Variants in TUBB4B observed in about 807,000 individuals in gnomAD.
TUBB4B encodes tubulin beta 4B class IVb, also known as tubulin beta-4B chain.
A neutral mutation model predicts 34.3 loss-of-function variants in TUBB4B; 7 were observed. That is an observed-to-expected ratio of 0.20 (90% CI 0.12 to 0.38). The LOEUF is 0.38. TUBB4B is among the 10% of genes least tolerant of loss of function. The probability of loss-of-function intolerance (pLI) is 1.00; values close to 1 mark genes in which losing one functional copy is unlikely to be tolerated. For synonymous variants in TUBB4B, 390 were observed against 250.2 expected (o/e 1.56, Z -5.27); for missense variants, 178 against 610.9 (o/e 0.29, Z 7.47).
intron 3 of TUBB4B, chr9:137,242,260 T>G: frequency 1.5e-6 from 1 of 666,060 alleles, no homozygotes; most frequent in Non-Finnish European, 2.5e-6. Context: ...TCCTCTGTCC[T>G]TGGGAATTGG....
At chr9:137,241,551 C>A in intron 1 of TUBB4B, 134 bp downstream of exon 1, 3 of 905,532 alleles carry the variant, frequency 3.3e-6, no homozygotes, top group Non-Finnish European at 4.1e-6. Flanking sequence ...GGGGAATTGG[C>A]CGAGCCGGGC....
Position 137,241,772 on chromosome 9 carries a change from C to T in TUBB4B, c.109C>T (p.His37Tyr). 1 of 1,612,332 alleles carries T rather than the reference C, an allele frequency of 6.2e-7. No individual in the cohort carries two copies. Among genetic ancestry groups the T allele is most frequent in the Non-Finnish European group, 8.5e-7 (1 of 1,179,592 alleles). ...CGGCATCGACCCCACGGGCACCTAC[C>T]ACGGGGACAGCGACCTGCAGCTGGA... ...EHGIDPTGTY[H>Y]GDSDLQLERI... Residue 37 changes from histidine (H) to tyrosine (Y), a missense_variant, in exon 2 of 4, where the codon CAC becomes TAC. Coordinates refer to ENST00000340384, the MANE Select transcript of TUBB4B (RefSeq NM_006088.6).
Position 137,243,430 on chromosome 9 carries a change from C to T in TUBB4B, c.1212C>T (p.Asp404=), listed in dbSNP as rs370081115. The T allele has an allele frequency of 2.7e-5, 43 of 1,613,490 alleles. No homozygotes were observed. Among genetic ancestry groups the T allele is most frequent in the Admixed American group, 1.3e-4 (8 of 60,002 alleles). The change falls in exon 4 of 4, where the codon GAC becomes GAT. Residue 404 remains aspartate (D), a synonymous_variant. Transcript: ENST00000340384. ...FLHWYTGEGM[D]EMEFTEAESN... ...ACTGGTACACGGGCGAGGGCATGGA[C>T]GAGATGGAGTTCACCGAGGCCGAGA...
At position 137,243,061 on chromosome 9, in the gene TUBB4B, C is replaced by T. The variant is rs1173235985; in HGVS notation, c.843C>T (p.Tyr281=). The change falls in exon 4 of 4, where the codon TAC becomes TAT. Residue 281 remains tyrosine (Y), a synonymous_variant. Transcript: ENST00000340384. Reference sequence around the variant, plus strand: ...TGACCAGCCGGGGCAGCCAGCAGTACCGGGCGCTGACCGTGCCCGAGCTCA... The same window carrying T: ...TGACCAGCCGGGGCAGCCAGCAGTATCGGGCGCTGACCGTGCCCGAGCTCA... ...APLTSRGSQQ[Y]RALTVPELTQ... is the part of the protein sequence containing the mutation. 1.2e-6 allele frequency: 2 copies of T among 1,612,954 alleles called. No homozygotes were observed. The highest frequency in any genetic ancestry group is 1.3e-5 in the African/African-American group (1 of 75,058).
In TUBB4B at chr9:137,242,871, C is replaced by G; in HGVS notation, c.653C>G (p.Thr218Ser). ...YDICFRTLKL[T>S]TPTYGDLNHL... ...ATTTGCTTCAGAACCCTAAAGCTGA[C>G]CACGCCCACCTATGGTGACCTGAAC... The change falls in exon 4 of 4, where the codon ACC (threonine) becomes AGC (serine). Residue 218 changes from threonine to serine, a missense_variant. Transcript: ENST00000340384. The G allele has an allele frequency of 6.2e-7, 1 of 1,613,498 alleles. No individual in the cohort carries two copies. Among genetic ancestry groups the G allele is most frequent in the Non-Finnish European group, 8.5e-7 (1 of 1,180,022 alleles).
rs772008749 is a variant in TUBB4B, at chr9:137,243,677, C to T, written c.*121C>T. Reference sequence around the variant, plus strand: ...TTTCCCTGTCCACATCCATGCTGTACAGACACCACCATTAAAGCATTTTCA... The same window carrying T: ...TTTCCCTGTCCACATCCATGCTGTATAGACACCACCATTAAAGCATTTTCA... On this transcript the variant is annotated 3_prime_UTR_variant, in exon 4 of 4. Transcript: ENST00000340384. The T allele has an allele frequency of 3.1e-6, 5 of 1,613,996 alleles. No homozygotes were observed. The highest frequency in any genetic ancestry group is 2.2e-5 in the East Asian group (1 of 44,902).
chr9:137,243,603 T>C lies in TUBB4B; in HGVS notation c.*47T>C. ...GCAGGGAAGCAGTGTGAACTCTTTATTCACTCCCAGCCTGTCCTGTGGCCT... is the reference window on the plus strand; with the variant it reads ...GCAGGGAAGCAGTGTGAACTCTTTACTCACTCCCAGCCTGTCCTGTGGCCT... On this transcript the variant is annotated 3_prime_UTR_variant, in exon 4 of 4. Transcript: ENST00000340384. The C allele has an allele frequency of 2.5e-6, 4 of 1,613,298 alleles. No individual in the cohort carries two copies. Among genetic ancestry groups the C allele is most frequent in the Non-Finnish European group, 3.4e-6 (4 of 1,179,396 alleles).
In TUBB4B at chr9:137,242,174, T is replaced by G. The variant is rs960147890; in HGVS notation, c.277+153T>G. The G allele has an allele frequency of 7.5e-6, 6 of 795,460 alleles. No homozygotes were observed. The Admixed American group carries it at 8.7e-5, about 12-fold the overall frequency. 49.3% of individuals were successfully genotyped at this position (795,460 alleles called of 1,614,324 possible). On this transcript the variant is annotated intron_variant, in intron 3 of 3. Transcript: ENST00000340384. The stretch of plus-strand genomic sequence containing the variant: ...TACTAAATCGGCTTTGGGAGCAAGG[T>G]CCAGCTGTCTGCCGAGGCGAGGAGC...
chr9:137,241,488 G>A, intron 1 of TUBB4B, 71 bp downstream of exon 1: 5 of 1,209,188 alleles, frequency 4.1e-6, no homozygotes, highest in South Asian at 3.1e-5. Context: ...GGAAGATGGC[G>A]GCAGCAGCGG....
rs1444026076 is a variant in TUBB4B at position 137,241,387 on chromosome 9, C to G, written c.27C>G (p.Ala9=). 1 of 1,600,990 alleles carries G rather than the reference C, an allele frequency of 6.2e-7. No individual in the cohort carries two copies. The highest frequency in any genetic ancestry group is 8.5e-7 in the Non-Finnish European group (1 of 1,176,066). Residue 9 remains alanine (A), a synonymous_variant, in exon 1 of 4, where the codon GCC becomes GCG. Transcript: ENST00000340384. ...TGAGGGAAATCGTGCACTTGCAGGCCGGGCAGTGCGGCAACCAAATCGGCG... is the reference window on the plus strand; with the variant it reads ...TGAGGGAAATCGTGCACTTGCAGGCGGGGCAGTGCGGCAACCAAATCGGCG... The part of the protein sequence containing the change: MREIVHLQ[A]GQCGNQIGAK...
rs1232125042 is a variant in TUBB4B at position 137,242,914 on chromosome 9, C to T, written c.696C>T (p.Thr232=). 4 of 1,613,088 alleles carry T rather than the reference C, an allele frequency of 2.5e-6. No individual in the cohort carries two copies. The highest frequency in any genetic ancestry group is 3.3e-5 in the Admixed American group (2 of 60,020). The change falls in exon 4 of 4, where the codon ACC becomes ACT. Residue 232 remains threonine (T), a synonymous_variant. Transcript: ENST00000340384. ...ACCTGAACCACCTGGTGTCTGCTAC[C>T]ATGAGTGGGGTCACCACCTGCCTGC... ...YGDLNHLVSA[T]MSGVTTCLRF... is the part of the protein sequence containing the mutation.
chr9:137,241,591 G>A, intron 1 of TUBB4B, 130 bp from the exon 2 acceptor site: 1 of 762,090 alleles, frequency 1.3e-6, no homozygotes, highest in Non-Finnish European at 1.6e-6. Context: ...CCGGCGGCCA[G>A]GGCGCGCGGG....
chr9:137,243,642 C>T lies in TUBB4B; in HGVS notation c.*86C>T, dbSNP rs1434796708. On this transcript the variant is annotated 3_prime_UTR_variant, in exon 4 of 4. Transcript: ENST00000340384. ...GTCCTGTGGCCTGTCCCACTGTGTG[C>T]ACTTGCTGTTTTCCCTGTCCACATC... 1.2e-6 allele frequency: 2 copies of T among 1,613,958 alleles called. No homozygotes were observed. Among genetic ancestry groups the T allele is most frequent in the Non-Finnish European group, 8.5e-7 (1 of 1,179,930 alleles).
intron 3 of TUBB4B, 187 bp from the exon 4 acceptor site, chr9:137,242,309 G>A: frequency 1.3e-6 from 1 of 758,170 alleles, no homozygotes; most frequent in Non-Finnish European, 2.1e-6. Context: ...AAGCTGTCAG[G>A]TTTGGCCCCT....
intron 3 of TUBB4B, 33 bp downstream of exon 3, chr9:137,242,054 A>G (rs765820591): frequency 1.9e-6 from 3 of 1,601,634 alleles, no homozygotes; most frequent in Non-Finnish European, 1.7e-6. Flanking sequence ...GCGGCGGCTC[A>G]AAGGTCAAGG....
intron 1 of TUBB4B, 93 bp downstream of exon 1, chr9:137,241,510 C>G: frequency 1.8e-6 from 2 of 1,105,934 alleles, no homozygotes; most frequent in Non-Finnish European, 2.2e-6. Context: ...CGGGCGGCGC[C>G]CCCGCATTGC....
Position 137,243,531 on chromosome 9 carries a change from A to G in TUBB4B, c.1313A>G (p.Glu438Gly). Reference sequence around the variant, plus strand: ...GCCGAGGAGGAGGGCGAGTTCGAGGAGGAGGCTGAGGAGGAGGTGGCCTAG... The same window carrying G: ...GCCGAGGAGGAGGGCGAGTTCGAGGGGGAGGCTGAGGAGGAGGTGGCCTAG... ...ATAEEEGEFE[E>G]EAEEEVA Residue 438 changes from glutamate (E) to glycine (G), a missense_variant, in exon 4 of 4, where the codon GAG (glutamate) becomes GGG (glycine). Transcript: ENST00000340384. 6.2e-7 allele frequency: 1 copy of G among 1,613,914 alleles called. No individual in the cohort carries two copies. Among genetic ancestry groups the G allele is most frequent in the Non-Finnish European group, 8.5e-7 (1 of 1,180,004 alleles).
rs771118184 is a variant in TUBB4B at position 137,242,033 on chromosome 9, C to G, written c.277+12C>G. Reference sequence around the variant, plus strand: ...CAACTTCGTTTTCGGTGAGCCGTGGCTGGGGACTGGGCGGCGGCTCAAAGG... The same window carrying G: ...CAACTTCGTTTTCGGTGAGCCGTGGGTGGGGACTGGGCGGCGGCTCAAAGG... On this transcript the variant is annotated intron_variant, in intron 3 of 3. Transcript: ENST00000340384. 4.3e-6 allele frequency: 7 copies of G among 1,609,284 alleles called. No homozygotes were observed. The South Asian group carries it at 7.7e-5, about 18-fold the overall frequency.
rs755143184 is a variant in TUBB4B, at chr9:137,242,484, G to A, written c.278-12G>A. 1.2e-5 allele frequency: 19 copies of A among 1,609,134 alleles called. No homozygotes were observed. Among genetic ancestry groups the A allele is most frequent in the Non-Finnish European group, 1.4e-5 (17 of 1,176,912 alleles). On this transcript the variant is annotated splice_polypyrimidine_tract_variant and intron_variant, in intron 3 of 3. Coordinates refer to ENST00000340384, the MANE Select transcript of TUBB4B (RefSeq NM_006088.6). ...ACCTGGCTGACAAATGATTAGCTGT[G>A]TTCTCTCACAGGTCAGAGTGGTGCT... is the stretch of plus-strand genomic sequence containing the variant.
Sources: allele counts gnomAD v4.1 joint callset, GRCh38; gene constraint gnomAD v4.1.1; transcripts MANE v1.5; gene names NCBI Gene and HGNC (gene_info 2026-07-23, HGNC 2026-07-21).